TSNARE1: variants seen among roughly 807,000 people sequenced by gnomAD.
TSNARE1 encodes the protein t-SNARE domain containing 1.
TSNARE1 carries 49 observed loss-of-function variants against 62.0 expected under a neutral mutation model. The observed-to-expected ratio is 0.79, with a 90% confidence interval of 0.63 to 1.00. The LOEUF (loss-of-function observed/expected upper bound fraction) is 1.00. Among genes scored for constraint, TSNARE1 ranks in the 50% least tolerant of loss-of-function variants. The pLI is 0.00. For synonymous variants in TSNARE1, 328 were observed against 294.4 expected (o/e 1.11, Z -1.17); for missense variants, 755 against 700.1 (o/e 1.08, Z -0.88).
intron 13 of TSNARE1, among the ~76,000 whole-genome samples, chr8:142,222,611 T>C (rs1366412351): frequency 4.6e-5 from 3 of 65,176 alleles, no homozygotes; most frequent in African/African-American, 1.1e-4. Context: ...CACTCACTCA[T>C]TCATCCACTC....
intron 10 of TSNARE1, among the ~76,000 whole-genome samples, chr8:142,289,430 G>A (rs1823376226): frequency 6.6e-6 from 1 of 152,200 alleles, no homozygotes; most frequent in Non-Finnish European, 1.5e-5. Flanking sequence ...GAGGCTGGAG[G>A]CCAGGGCCCC....
intron 1 of TSNARE1, among the ~76,000 whole-genome samples, chr8:142,380,454 G>A (rs1053709140): frequency 2.0e-5 from 3 of 152,218 alleles, no homozygotes; most frequent in African/African-American, 7.2e-5. Flanking sequence ...GAACTGCATG[G>A]AGGGCAGAGG....
intron 12 of TSNARE1, chr8:142,271,013 T>C: frequency 2.0e-6 from 2 of 985,712 alleles, no homozygotes; most frequent in Non-Finnish European, 2.4e-6. Context: ...ACCTCTCCCC[T>C]GCCTGGACTC....
chr8:142,253,638 C>T (rs1406110901), intron 12 of TSNARE1, among the ~76,000 whole-genome samples: 2 of 152,190 alleles, frequency 1.3e-5, no homozygotes, highest in African/African-American at 4.8e-5. Context: ...TTGCCCCTGC[C>T]TCGAGGTCAC....
chr8:142,280,034 C>A, intron 11 of TSNARE1: 2 of 1,225,966 alleles, frequency 1.6e-6, no homozygotes, highest in South Asian at 1.4e-5. Flanking sequence ...TCCCCCAGGT[C>A]GCGGCGGCAG....
chr8:142,364,786 T>C (rs79556687), intron 1 of TSNARE1, among the ~76,000 whole-genome samples: 4 of 152,276 alleles, frequency 2.6e-5, no homozygotes, highest in East Asian at 1.9e-4. Context: ...ATGATAAGAA[T>C]TGTGTAATTC....
chr8:142,349,179 C>T (rs1023830220), intron 2 of TSNARE1, among the ~76,000 whole-genome samples: 4 of 152,206 alleles, frequency 2.6e-5, no homozygotes, highest in African/African-American at 4.8e-5. Context: ...GCTTTTCTTT[C>T]AGATGTGTGT....
intron 1 of TSNARE1, among the ~76,000 whole-genome samples, chr8:142,383,847 A>G (rs559750200): frequency 1.3e-5 from 2 of 152,310 alleles, no homozygotes; most frequent in African/African-American, 4.8e-5. Flanking sequence ...ACTGCTACCA[A>G]ATTAACAAAA....
intron 13 of TSNARE1, among the ~76,000 whole-genome samples, chr8:142,228,435 A>G (rs1816939931): frequency 6.6e-6 from 1 of 152,154 alleles, no homozygotes; most frequent in Non-Finnish European, 1.5e-5. Flanking sequence ...GTGTCTCAGT[A>G]CCCATTCCTC....
At chr8:142,316,078 C>G (rs1024316544) in intron 7 of TSNARE1, among the ~76,000 whole-genome samples, 3 of 152,126 alleles carry the variant, frequency 2.0e-5, no homozygotes, top group African/African-American at 7.2e-5. Context: ...GGGCCTTGCT[C>G]AGCACCTCAC....
intron 4 of TSNARE1, among the ~76,000 whole-genome samples, chr8:142,342,169 C>CA (rs1832678689): frequency 6.6e-6 from 1 of 152,262 alleles, no homozygotes; most frequent in African/African-American, 2.4e-5. Flanking sequence ...AGGGCTGCCC[C>CA]ATAAAGACCT....
At chr8:142,375,466 C>A (rs1235745326) in intron 1 of TSNARE1, among the ~76,000 whole-genome samples, 3 of 152,184 alleles carry the variant, frequency 2.0e-5, no homozygotes, top group Non-Finnish European at 2.9e-5. Context: ...CCTGGCAGGG[C>A]AGGCACTGGC....
intron 12 of TSNARE1, chr8:142,273,461 G>C (rs895571077): frequency 9.1e-6 from 9 of 985,238 alleles, no homozygotes; most frequent in Non-Finnish European, 1.1e-5. Flanking sequence ...CTGGGCCAAG[G>C]GCTGAGGCCA....
intron 12 of TSNARE1, among the ~76,000 whole-genome samples, chr8:142,238,904 C>G (rs747962868): frequency 2.0e-5 from 3 of 152,122 alleles, no homozygotes; most frequent in African/African-American, 4.8e-5. Flanking sequence ...CTCCAGGAAG[C>G]CTCTCAGACT....
chr8:142,250,329 CT>C (rs1041047555), intron 12 of TSNARE1, among the ~76,000 whole-genome samples: 1 of 152,184 alleles, frequency 6.6e-6, no homozygotes, highest in African/African-American at 2.4e-5. Context: ...GCCTCCTCCC[CT>C]GGAGTAGGAG....
At chr8:142,222,952 C>CATT (rs1563756302) in intron 13 of TSNARE1, among the ~76,000 whole-genome samples, 25 of 138,664 alleles carry the variant, frequency 1.8e-4, no homozygotes, top group African/African-American at 6.6e-4. Flanking sequence ...ACTCACTCAT[C>CATT]CACTCACTCA....
intron 12 of TSNARE1, among the ~76,000 whole-genome samples, chr8:142,245,870 C>T (rs1817863292): frequency 6.6e-6 from 1 of 152,110 alleles, no homozygotes; most frequent in South Asian, 2.1e-4. Flanking sequence ...CTACACACAA[C>T]CTGGTGTGGC....
intron 6 of TSNARE1, among the ~76,000 whole-genome samples, chr8:142,322,456 G>A (rs985853457): frequency 6.6e-6 from 1 of 152,218 alleles, no homozygotes; most frequent in African/African-American, 2.4e-5. Flanking sequence ...CATAAAGATT[G>A]AAAATGAAGA....
At chr8:142,296,522 G>A (rs1366029643) in intron 10 of TSNARE1, among the ~76,000 whole-genome samples, 1 of 151,928 alleles carries the variant, frequency 6.6e-6, no homozygotes, top group Admixed American at 6.5e-5. Flanking sequence ...TTGACACGTC[G>A]GTTCCACAAG....
Sources: gnomAD v4.1 joint callset for allele counts (sites outside exome capture counted in the v4.1 genomes callset) on GRCh38, gnomAD v4.1.1 for gene constraint, MANE v1.5 for transcripts, NCBI Gene and HGNC (gene_info 2026-07-23, HGNC 2026-07-21) for gene names.